ARID5B: variants seen among roughly 807,000 people sequenced by gnomAD.
ARID5B encodes the protein AT-rich interactive domain-containing protein 5B.
Under a neutral mutation model 97.2 loss-of-function variants are expected in ARID5B, and 13 were observed. The ratio of observed to expected loss-of-function variants is 0.13; its 90% CI spans 0.09 to 0.21. The LOEUF (loss-of-function observed/expected upper bound fraction) is 0.21, where lower values mean the gene tolerates loss of function less well. Ranked by LOEUF, ARID5B falls within the 10% of genes least tolerant of loss-of-function variation. The pLI, the probability that ARID5B is intolerant of heterozygous loss-of-function variation, is 1.00. For missense variants in ARID5B, 1,210 were observed against 1,465.3 expected (o/e 0.83, Z 2.84); for synonymous variants, 556 against 570.3 (o/e 0.97, Z 0.36).
At chr10:61,980,158 A>T (rs1360404098) in intron 3 of ARID5B, among the ~76,000 whole-genome samples, 1 of 152,174 alleles carries the variant, frequency 6.6e-6, no homozygotes. Context: ...GTACCAATGT[A>T]GTCCTAAAAT....
intron 2 of ARID5B, among the ~76,000 whole-genome samples, chr10:61,934,459 T>C (rs1403258327): frequency 6.6e-6 from 1 of 152,224 alleles, no homozygotes; most frequent in Non-Finnish European, 1.5e-5. Flanking sequence ...TCACTAAGCT[T>C]AATTATTTCT....
At chr10:61,924,207 G>T (rs75653753) in intron 2 of ARID5B, among the ~76,000 whole-genome samples, 212 of 152,280 alleles carry the variant, frequency 1.4e-3, no homozygotes, top group African/African-American at 5.0e-3. Context: ...CAACCTCCCC[G>T]AGGAGGCAAA....
intron 2 of ARID5B, among the ~76,000 whole-genome samples, chr10:61,925,345 A>G (rs550111101): frequency 7.2e-5 from 11 of 152,322 alleles, no homozygotes; most frequent in Middle Eastern, 6.8e-3. Flanking sequence ...TTAACTGAGC[A>G]TAACACTGGA....
chr10:61,983,656 T>C (rs1033552827), intron 3 of ARID5B, among the ~76,000 whole-genome samples: 1 of 151,986 alleles, frequency 6.6e-6, no homozygotes. Flanking sequence ...AATTTTATAT[T>C]AGTAATATCG....
intron 5 of ARID5B, among the ~76,000 whole-genome samples, chr10:62,052,534 CAT>C (rs1376484083): frequency 6.6e-6 from 1 of 152,188 alleles, no homozygotes; most frequent in East Asian, 1.9e-4. Flanking sequence ...AGCTCCTTCC[CAT>C]GCCACTTGGA....
chr10:62,067,517 G>A (rs1306692688), intron 7 of ARID5B, among the ~76,000 whole-genome samples: 5 of 152,212 alleles, frequency 3.3e-5, no homozygotes, highest in African/African-American at 4.8e-5. Context: ...TCCCCATTGG[G>A]AAAGACTCAA....
At chr10:61,926,875 C>A (rs188427105) in intron 2 of ARID5B, among the ~76,000 whole-genome samples, 2 of 152,192 alleles carry the variant, frequency 1.3e-5, no homozygotes, top group African/African-American at 4.8e-5. Context: ...CTGCCCGCCT[C>A]GGCCTCCCAA....
intron 8 of ARID5B, among the ~76,000 whole-genome samples, chr10:62,076,963 C>G (rs1451172072): frequency 1.3e-5 from 2 of 152,162 alleles, no homozygotes; most frequent in Non-Finnish European, 1.5e-5. Flanking sequence ...CTCTCATCTC[C>G]CTAAACCCAC....
At chr10:61,978,001 T>G (rs1007296235) in intron 3 of ARID5B, among the ~76,000 whole-genome samples, 9 of 152,242 alleles carry the variant, frequency 5.9e-5, no homozygotes, top group Non-Finnish European at 1.2e-4. Flanking sequence ...AGGTCTAACA[T>G]GTAAGTCTTT....
rs1380932400 is a variant in ARID5B at position 61,901,793 on chromosome 10, T to TCACCCACACCTCTGCACC, written c.21+74_21+91dup. On this transcript the variant is annotated intron_variant, in intron 1 of 9. Transcript: ENST00000279873. ...CCCCGGCACCCCCCAACCCCCCAGCTCACCCACACCTCTGCACCCACCCAC... is the reference window on the plus strand; with the variant it reads ...CCCCGGCACCCCCCAACCCCCCAGCTCACCCACACCTCTGCACCCACCCACACCTCTGCACCCACCCAC... The TCACCCACACCTCTGCACC allele has an allele frequency of 2.3e-5, 26 of 1,146,990 alleles. 1 individual carries two copies. Among genetic ancestry groups the TCACCCACACCTCTGCACC allele is most frequent in the Non-Finnish European group, 3.0e-5 (25 of 846,576 alleles). 71.1% of individuals were successfully genotyped at this position (1,146,990 alleles called of 1,614,324 possible).
In ARID5B at chr10:62,093,651, C is replaced by CTTTTTTT. The variant is rs57902062; in HGVS notation, c.*642_*648dup. 2.4e-4 allele frequency: 21 copies of CTTTTTTT among 87,006 alleles called. No homozygotes were observed. The highest frequency in any genetic ancestry group is 6.4e-4 in the African/African-American group (8 of 12,586). The allele number at this position is 87,006 out of a possible 1,614,324, so 5.4% of individuals were successfully genotyped here. A position where few individuals can be genotyped will look rare whatever the true frequency, so the allele number is the denominator to read the frequency against. Reference sequence around the variant, plus strand: ...CCATTTTCTCCCAGTTCCTTCTCGTCTTTTTTTTTTTTTTTTTTTTTTTTT... The same window carrying CTTTTTTT: ...CCATTTTCTCCCAGTTCCTTCTCGTCTTTTTTTTTTTTTTTTTTTTTTTTTTTTTTTT... On this transcript the variant is annotated 3_prime_UTR_variant, in exon 10 of 10. Coordinates refer to ENST00000279873, the MANE Select transcript of ARID5B (RefSeq NM_032199.3).
intron 9 of ARID5B, 54 bp downstream of exon 9, chr10:62,085,954 G>A: frequency 1.3e-6 from 2 of 1,557,708 alleles, no homozygotes; most frequent in Non-Finnish European, 1.7e-6. Context: ...CTGCCTCGAG[G>A]TCCTTCTGGA....
At chr10:61,993,230 C>T (rs1838951573) in intron 3 of ARID5B, among the ~76,000 whole-genome samples, 1 of 151,996 alleles carries the variant, frequency 6.6e-6, no homozygotes. Flanking sequence ...TTGATGTGTA[C>T]TAACTTTGGG....
intron 3 of ARID5B, among the ~76,000 whole-genome samples, chr10:61,994,183 G>A (rs1838965729): frequency 6.6e-6 from 1 of 152,088 alleles, no homozygotes; most frequent in South Asian, 2.1e-4. Context: ...GAGGTAATTA[G>A]GTGCAGGAAG....
intron 3 of ARID5B, among the ~76,000 whole-genome samples, chr10:61,954,547 A>G (rs2132814686): frequency 6.6e-6 from 1 of 152,208 alleles, no homozygotes; most frequent in South Asian, 2.1e-4. Flanking sequence ...TGTACTCTGG[A>G]TGATCACATG....
intron 3 of ARID5B, among the ~76,000 whole-genome samples, chr10:61,998,075 C>T (rs947862128): frequency 3.3e-5 from 5 of 152,278 alleles, no homozygotes; most frequent in African/African-American, 1.2e-4. Flanking sequence ...GAGTTGAAGA[C>T]GTGTACACTG....
intron 2 of ARID5B, among the ~76,000 whole-genome samples, chr10:61,923,224 G>A (rs903231830): frequency 2.0e-5 from 3 of 152,170 alleles, no homozygotes; most frequent in African/African-American, 2.4e-5. Flanking sequence ...TCTGCCCACA[G>A]TGTCCTGTGT....
chr10:62,060,917 T>A (rs922072634), intron 7 of ARID5B, among the ~76,000 whole-genome samples: 1 of 151,912 alleles, frequency 6.6e-6, no homozygotes, highest in Non-Finnish European at 1.5e-5. Context: ...TTCACAAAGA[T>A]TTTTTTTCCA....
intron 8 of ARID5B, among the ~76,000 whole-genome samples, chr10:62,077,256 C>A: frequency 6.6e-6 from 1 of 152,128 alleles, no homozygotes; most frequent in East Asian, 1.9e-4. Flanking sequence ...TGATAACTTT[C>A]CAATGCCTGG....
Sources: gnomAD v4.1 joint callset for allele counts (sites outside exome capture counted in the v4.1 genomes callset) on GRCh38, gnomAD v4.1.1 for gene constraint, MANE v1.5 for transcripts, NCBI Gene and HGNC (gene_info 2026-07-23, HGNC 2026-07-21) for gene names.